Variants in IL20RA observed in about 807,000 individuals in gnomAD.
IL20RA encodes interleukin 20 receptor subunit alpha.
A neutral mutation model predicts 36.5 loss-of-function variants in IL20RA; 29 were observed. The ratio of observed to expected loss-of-function variants is 0.79; its 90% CI spans 0.59 to 1.08. The LOEUF (loss-of-function observed/expected upper bound fraction) is 1.08. Among genes scored for constraint, IL20RA ranks in the 50% least tolerant of loss-of-function variants. The probability of loss-of-function intolerance (pLI) is 0.00; values close to 1 mark genes in which losing one functional copy is unlikely to be tolerated. For synonymous variants in IL20RA, 279 were observed against 267.1 expected, an observed-to-expected ratio of 1.04 and a Z score of -0.43; for missense variants, 652 against 668.4, an observed-to-expected ratio of 0.98 and a Z score of 0.27.
intron 2 of IL20RA, among the ~76,000 whole-genome samples, chr6:137,016,561 G>A (rs383990): frequency 0.19 from 29,600 of 151,970 alleles, 3,104 homozygotes; most frequent in Middle Eastern, 0.27. Flanking sequence ...TTGAGGGCCA[G>A]ATGAAATGTC....
At chr6:137,002,419 T>G in intron 6 of IL20RA, 64 bp from the exon 7 acceptor site, 185 of 965,878 alleles carry the variant, frequency 1.9e-4, no homozygotes, top group Non-Finnish European at 2.6e-4. Flanking sequence ...AAACAGCTGT[T>G]AGGTAGAATA....
chr6:137,001,700 G>A lies in IL20RA; in HGVS notation c.1520C>T (p.Ser507Phe). The change falls in exon 7 of 7, where the codon TCT (serine) becomes TTT (phenylalanine). Residue 507 changes from serine to phenylalanine, a missense_variant. Transcript: ENST00000316649. Reference sequence around the variant, plus strand: ...CTCCTCTCCGAGCCCATCCCCCTCAGAAGGCTCGCAGCCCTCTGAATCCTG... The same window carrying A: ...CTCCTCTCCGAGCCCATCCCCCTCAAAAGGCTCGCAGCCCTCTGAATCCTG... ...FDQDSEGCEP[S>F]EGDGLGEEGL... is the part of the protein sequence containing the mutation. 1 of 1,614,102 alleles carries A rather than the reference G, an allele frequency of 6.2e-7. No homozygotes were observed. Among genetic ancestry groups the A allele is most frequent in the South Asian group, 1.1e-5 (1 of 91,078 alleles).
At chr6:137,022,258 T>G (rs1775931401) in intron 1 of IL20RA, among the ~76,000 whole-genome samples, 2 of 152,168 alleles carry the variant, frequency 1.3e-5, no homozygotes, top group Admixed American at 1.3e-4. Flanking sequence ...ATGTCCTCCC[T>G]TATCTGGTCC....
intron 1 of IL20RA, among the ~76,000 whole-genome samples, chr6:137,018,659 A>G (rs1775792096): frequency 6.6e-6 from 1 of 152,046 alleles, no homozygotes; most frequent in Non-Finnish European, 1.5e-5. Context: ...TATTTTCTGG[A>G]GATTACATAG....
At chr6:137,037,358 G>A (rs1776525823) in intron 1 of IL20RA, among the ~76,000 whole-genome samples, 2 of 152,166 alleles carry the variant, frequency 1.3e-5, no homozygotes, top group Non-Finnish European at 2.9e-5. Flanking sequence ...TGTCCTTTCA[G>A]CAAAGAGTAG....
intron 1 of IL20RA, among the ~76,000 whole-genome samples, chr6:137,027,590 T>C (rs546873758): frequency 1.3e-5 from 2 of 152,304 alleles, no homozygotes; most frequent in Admixed American, 1.3e-4. Context: ...AATTTCCCCA[T>C]TTGGAAAATG....
chr6:137,013,174 T>A (rs574681740), intron 2 of IL20RA, among the ~76,000 whole-genome samples: 2 of 152,282 alleles, frequency 1.3e-5, no homozygotes, highest in East Asian at 3.9e-4. Flanking sequence ...AAAAATAATA[T>A]CCCTCAACAT....
At chr6:137,032,052 CA>C (rs11379045) in intron 1 of IL20RA, among the ~76,000 whole-genome samples, 804 of 61,924 alleles carry the variant, frequency 0.013, 4 homozygotes, top group East Asian at 0.061. Flanking sequence ...GATTCTGTCT[CA>C]AAAAAAAAAA....
intron 6 of IL20RA, 41 bp downstream of exon 6, chr6:137,004,580 G>A (rs771920008): frequency 5.0e-6 from 8 of 1,587,138 alleles, no homozygotes; most frequent in African/African-American, 2.7e-5. Flanking sequence ...TCCTGGAGGT[G>A]TACTATTATA....
chr6:137,020,834 C>G (rs1043250007), intron 1 of IL20RA, among the ~76,000 whole-genome samples: 3 of 152,276 alleles, frequency 2.0e-5, no homozygotes, highest in South Asian at 4.1e-4. Context: ...TTTAGACCTG[C>G]AGTTTCTTCC....
At chr6:137,026,578 A>G (rs1468537815) in intron 1 of IL20RA, among the ~76,000 whole-genome samples, 1 of 150,948 alleles carries the variant, frequency 6.6e-6, no homozygotes, top group Non-Finnish European at 1.5e-5. Context: ...TAGGGAAAGA[A>G]AATTTCCATC....
chr6:137,001,809 GCCCCTCCTCCGA>G lies in IL20RA; in HGVS notation c.1399_1410del (p.Ser467_Gly470del), dbSNP rs1371222646. The G allele has an allele frequency of 6.2e-7, 1 of 1,613,264 alleles. No homozygotes were observed. Among genetic ancestry groups the G allele is most frequent in the East Asian group, 2.2e-5 (1 of 44,874 alleles). On this transcript the variant is annotated inframe_deletion, in exon 7 of 7. Transcript: ENST00000316649. The stretch of plus-strand genomic sequence containing the variant: ...AGGGTCGTCGATGGCTCTTCCTCCG[GCCCCTCCTCCGA>G]GTCTGTGTGCTCCTGCGCCAGGGGG...
At chr6:137,008,868 T>TTA in intron 4 of IL20RA, 125 bp from the exon 5 acceptor site, 2 of 503,910 alleles carry the variant, frequency 4.0e-6, no homozygotes, top group Non-Finnish European at 6.2e-6. Flanking sequence ...GTATAAGCTT[T>TTA]TTTTTTTTTT....
intron 1 of IL20RA, among the ~76,000 whole-genome samples, chr6:137,024,699 C>T (rs1361926299): frequency 7.9e-6 from 1 of 126,192 alleles, no homozygotes; most frequent in Non-Finnish European, 1.8e-5. Context: ...GTCCCTTCTG[C>T]CTCTAGCATT....
Position 137,004,699 on chromosome 6 carries a change from G to C in IL20RA, c.786C>G (p.Thr262=). Residue 262 remains threonine (T), a synonymous_variant, in exon 6 of 7, where the codon ACC becomes ACG. Coordinates refer to ENST00000316649, the MANE Select transcript of IL20RA (RefSeq NM_014432.4). ...IFWYVLPVSI[T]VFLFSVMGYS... ...AGCCCATCACAGAAAAAAGAAACACGGTAATAGATACGGGCAAAACATACC... is the reference window on the plus strand; with the variant it reads ...AGCCCATCACAGAAAAAAGAAACACCGTAATAGATACGGGCAAAACATACC... 6.2e-7 allele frequency: 1 copy of C among 1,610,976 alleles called. No homozygotes were observed. The highest frequency in any genetic ancestry group is 8.5e-7 in the Non-Finnish European group (1 of 1,178,642).
intron 2 of IL20RA, among the ~76,000 whole-genome samples, chr6:137,016,594 C>T (rs1244780543): frequency 6.6e-6 from 1 of 152,108 alleles, no homozygotes; most frequent in African/African-American, 2.4e-5. Context: ...TCTTTAAGTG[C>T]AACAGCTGAT....
At chr6:137,030,670 A>C (rs1338993686) in intron 1 of IL20RA, among the ~76,000 whole-genome samples, 1 of 152,240 alleles carries the variant, frequency 6.6e-6, no homozygotes. Context: ...GGACAAGGCA[A>C]TAACAAACAT....
chr6:137,039,097 G>A (rs573847675), intron 1 of IL20RA, among the ~76,000 whole-genome samples: 2 of 152,298 alleles, frequency 1.3e-5, no homozygotes, highest in East Asian at 1.9e-4. Context: ...AGAGCTAAAC[G>A]AAAAGGTATA....
intron 1 of IL20RA, among the ~76,000 whole-genome samples, chr6:137,037,119 T>G (rs1311310039): frequency 6.6e-6 from 1 of 152,132 alleles, no homozygotes; most frequent in Non-Finnish European, 1.5e-5. Flanking sequence ...GGGTGAAAAG[T>G]ATACATGGTA....
Sources: gnomAD v4.1 joint callset for allele counts (sites outside exome capture counted in the v4.1 genomes callset) on GRCh38, gnomAD v4.1.1 for gene constraint, MANE v1.5 for transcripts, NCBI Gene and HGNC (gene_info 2026-07-23, HGNC 2026-07-21) for gene names.